The following LRP2BP variants were observed in gnomAD, a reference collection of about 807,000 sequenced individuals.
The protein encoded by LRP2BP is LRP2-binding protein.
LRP2BP carries 38 observed loss-of-function variants against 45.2 expected under a neutral mutation model. The ratio of observed to expected loss-of-function variants is 0.84; its 90% CI spans 0.65 to 1.10. LRP2BP has a LOEUF of 1.10. LRP2BP is among the 50% of genes least tolerant of loss of function. The probability of loss-of-function intolerance (pLI) is 0.00; values close to 1 mark genes in which losing one functional copy is unlikely to be tolerated. For missense variants in LRP2BP, 385 were observed against 418.9 expected (o/e 0.92, Z 0.71); for synonymous variants, 153 against 153.9 (o/e 0.99, Z 0.04).
At chr4:185,391,981 T>G (rs562639902) in intron 1 of LRP2BP, among the ~76,000 whole-genome samples, 25 of 152,378 alleles carry the variant, frequency 1.6e-4, no homozygotes, top group African/African-American at 5.8e-4. Flanking sequence ...GAATTCTTAT[T>G]GACATCTTGG....
intron 2 of LRP2BP, chr4:185,377,256 G>A (rs539621560): frequency 3.4e-5 from 15 of 437,256 alleles, no homozygotes; most frequent in East Asian, 2.0e-4. Context: ...GGTGGCTCAC[G>A]CCTGTAAATC....
At chr4:185,390,774 A>C (rs941054119) in intron 1 of LRP2BP, 6 of 152,172 alleles carry the variant, frequency 3.9e-5, no homozygotes, top group Admixed American at 3.9e-4. Flanking sequence ...TGAGAGCTTT[A>C]AGTGGCCTCA....
Position 185,395,530 on chromosome 4 carries a change from ACAT to A in LRP2BP, c.-776_-774del, listed in dbSNP as rs1268571188. On this transcript the variant is annotated 5_prime_UTR_variant, in exon 1 of 9. It removes an upstream start codon present in the reference 5' UTR. Coordinates refer to ENST00000505916, the MANE Select transcript of LRP2BP (RefSeq NM_001377440.1). Reference sequence around the variant, plus strand: ...GTATCTCTACACTGCCGTTCTTTAAACATCATTAAAAGATATTGTGAATAGTTT... The same window carrying A: ...GTATCTCTACACTGCCGTTCTTTAAACATTAAAAGATATTGTGAATAGTTT... The A allele has an allele frequency of 4.1e-6, 4 of 984,822 alleles. No individual in the cohort carries two copies. In the African/African-American group the frequency reaches 5.2e-5, roughly 13 times the overall value. 61.0% of individuals were successfully genotyped at this position (984,822 alleles called of 1,614,324 possible).
In LRP2BP at chr4:185,375,727, C is replaced by T; in HGVS notation, c.217-1G>A. ...GTTCTAATGCTTCTTCATACCATCC[C>T]TAGAAGCACCCAGAAGATATTTAAT... On this transcript the variant is annotated splice_acceptor_variant, in intron 3 of 8. Transcript: ENST00000505916. LOFTEE classifies it high-confidence loss of function. The T allele has an allele frequency of 6.4e-7, 1 of 1,563,118 alleles. No individual in the cohort carries two copies. Among genetic ancestry groups the T allele is most frequent in the Non-Finnish European group, 8.8e-7 (1 of 1,137,490 alleles).
upstream of LRP2BP, chr4:185,396,764 G>C: frequency 2.7e-6 from 2 of 745,426 alleles, no homozygotes; most frequent in Admixed American, 2.1e-5. Context: ...GGGCGTAACC[G>C]GAGCTGGGGC....
intron 8 of LRP2BP, 151 bp downstream of exon 8, chr4:185,370,489 C>A: frequency 1.4e-6 from 1 of 710,564 alleles, no homozygotes; most frequent in Non-Finnish European, 2.3e-6. Flanking sequence ...TGTCTGCAAA[C>A]AATCTGCATG....
intron 1 of LRP2BP, among the ~76,000 whole-genome samples, chr4:185,389,362 C>G (rs899126488): frequency 5.3e-5 from 8 of 151,912 alleles, no homozygotes; most frequent in African/African-American, 1.7e-4. Flanking sequence ...GCGCACACCA[C>G]CACACCCGGC....
intron 1 of LRP2BP, among the ~76,000 whole-genome samples, chr4:185,393,093 T>G (rs983011257): frequency 6.6e-6 from 1 of 152,102 alleles, no homozygotes. Flanking sequence ...ACCACACACC[T>G]GGCTAATTTT....
At chr4:185,393,222 C>T (rs1330236185) in intron 1 of LRP2BP, among the ~76,000 whole-genome samples, 2 of 152,186 alleles carry the variant, frequency 1.3e-5, no homozygotes, top group African/African-American at 2.4e-5. Flanking sequence ...TGAGCCACTG[C>T]ATCTGGTGAG....
chr4:185,395,933 G>C, upstream of LRP2BP: 6 of 984,084 alleles, frequency 6.1e-6, no homozygotes, highest in Non-Finnish European at 7.2e-6. Flanking sequence ...CTAGGGAGCA[G>C]CTCTGACGTC....
At chr4:185,382,473 C>T (rs2095458572) in intron 1 of LRP2BP, among the ~76,000 whole-genome samples, 1 of 152,214 alleles carries the variant, frequency 6.6e-6, no homozygotes, top group Non-Finnish European at 1.5e-5. Flanking sequence ...TACCATTTCA[C>T]ATCCCTACCA....
In LRP2BP at chr4:185,374,277, A is replaced by G. The variant is rs200967471; in HGVS notation, c.474-37T>C. ...AGTGAGGCATGTTATTCTCGGTTTC[A>G]GCATTTCCTTCAAACCTAATCTTGT... On this transcript the variant is annotated intron_variant, in intron 5 of 8. Transcript: ENST00000505916. 1,231 of 1,614,122 alleles carry G rather than the reference A, an allele frequency of 7.6e-4. 9 individuals are homozygous for G. In the African/African-American group the frequency reaches 0.011, roughly 15 times the overall value.
chr4:185,383,404 C>T (rs2095461349), intron 1 of LRP2BP, among the ~76,000 whole-genome samples: 1 of 152,186 alleles, frequency 6.6e-6, no homozygotes, highest in South Asian at 2.1e-4. Context: ...CCCTTGAGCC[C>T]TGGAGTTTGA....
At chr4:185,375,487 A>AATATATATATATATATGT (rs2095431526) in intron 4 of LRP2BP, 126 bp downstream of exon 4, 1 of 12,010 alleles carries the variant, frequency 8.3e-5, no homozygotes, top group Non-Finnish European at 1.5e-4. Flanking sequence ...AAAAAAAAAA[A>AATATATATATATATATGT]ATATATATAT....
At chr4:185,396,990 A>C, upstream of LRP2BP, 1 of 1,612,730 alleles carries the variant, frequency 6.2e-7, no homozygotes. Context: ...TTTGTCCTGC[A>C]GGCTCAAGCT....
Position 185,370,620 on chromosome 4 carries a change from TATTTTG to T in LRP2BP, c.978+14_978+19del. Reference sequence around the variant, plus strand: ...GGCAGTTTCTCTTTGGGTGAATTTATATTTTGTTCTAAAGCTTACTTTAGAATAATA... The same window carrying T: ...GGCAGTTTCTCTTTGGGTGAATTTATTTCTAAAGCTTACTTTAGAATAATA... On this transcript the variant is annotated intron_variant, in intron 8 of 8. Transcript: ENST00000505916. The T allele has an allele frequency of 6.2e-7, 1 of 1,606,696 alleles. No homozygotes were observed. Among genetic ancestry groups the T allele is most frequent in the Non-Finnish European group, 8.5e-7 (1 of 1,174,168 alleles).
At chr4:185,383,779 T>C (rs772140018) in intron 1 of LRP2BP, among the ~76,000 whole-genome samples, 1 of 152,226 alleles carries the variant, frequency 6.6e-6, no homozygotes, top group Admixed American at 6.5e-5. Context: ...CCTACATGAC[T>C]TGCCCCCAAC....
intron 1 of LRP2BP, among the ~76,000 whole-genome samples, chr4:185,387,160 G>GGGGCAGAGACTGCAGT (rs373195583): frequency 0.046 from 7,049 of 152,256 alleles, 203 homozygotes; most frequent in African/African-American, 0.079. Context: ...CATGAGACGA[G>GGGGCAGAGACTGCAGT]GGGCAGAGAC....
intron 1 of LRP2BP, among the ~76,000 whole-genome samples, chr4:185,382,106 T>G (rs1278539567): frequency 6.6e-6 from 1 of 152,210 alleles, no homozygotes; most frequent in Non-Finnish European, 1.5e-5. Flanking sequence ...ATATTCTATA[T>G]AAATGGAATC....
Sources: allele counts gnomAD v4.1 joint callset (sites outside exome capture counted in the v4.1 genomes callset), GRCh38; gene constraint gnomAD v4.1.1; transcripts MANE v1.5; gene names NCBI Gene and HGNC (gene_info 2026-07-23, HGNC 2026-07-21).